PTPRM: variants seen among roughly 807,000 people sequenced by gnomAD.
PTPRM encodes the protein protein tyrosine phosphatase receptor type M.
Under a neutral mutation model 186.7 loss-of-function variants are expected in PTPRM, and 47 were observed. That is an observed-to-expected ratio of 0.25 (90% CI 0.20 to 0.32). The LOEUF is 0.32. PTPRM is among the 10% of genes least tolerant of loss of function. The probability of loss-of-function intolerance (pLI) is 1.00; values close to 1 mark genes in which losing one functional copy is unlikely to be tolerated. For missense variants in PTPRM, 1,494 were observed against 1,865.0 expected, an observed-to-expected ratio of 0.80 and a Z score of 3.66; for synonymous variants, 668 against 674.9, an observed-to-expected ratio of 0.99 and a Z score of 0.16.
chr18:7,912,145 C>T (rs1407569397), intron 4 of PTPRM, among the ~76,000 whole-genome samples: 1 of 152,068 alleles, frequency 6.6e-6, no homozygotes, highest in Non-Finnish European at 1.5e-5. Context: ...AGCCACTGTG[C>T]CCGTCCTATA....
At chr18:8,012,930 C>T (rs1229474889) in intron 7 of PTPRM, among the ~76,000 whole-genome samples, 1 of 151,992 alleles carries the variant, frequency 6.6e-6, no homozygotes, top group Non-Finnish European at 1.5e-5. Flanking sequence ...GGGTGATTGG[C>T]AGTGGCCTCG....
At chr18:7,871,836 C>G (rs914464922) in intron 2 of PTPRM, among the ~76,000 whole-genome samples, 11 of 152,204 alleles carry the variant, frequency 7.2e-5, no homozygotes, top group African/African-American at 2.7e-4. Flanking sequence ...TTATTATACT[C>G]AACTTTGAAT....
At chr18:7,647,372 C>A (rs2038590454) in intron 1 of PTPRM, among the ~76,000 whole-genome samples, 1 of 152,150 alleles carries the variant, frequency 6.6e-6, no homozygotes. Flanking sequence ...TAATATATTT[C>A]TGGGCTTCTC....
intron 2 of PTPRM, among the ~76,000 whole-genome samples, chr18:7,781,893 G>A (rs80346262): frequency 0.018 from 2,689 of 152,126 alleles, 19 homozygotes; most frequent in Non-Finnish European, 0.025. Flanking sequence ...ATCTCATTCA[G>A]TTGTCCACAC....
At chr18:8,034,865 T>C (rs1340320367) in intron 7 of PTPRM, among the ~76,000 whole-genome samples, 3 of 152,184 alleles carry the variant, frequency 2.0e-5, no homozygotes, top group Non-Finnish European at 4.4e-5. Context: ...TTTGTGCTGA[T>C]ACAACATTTT....
At chr18:7,939,319 C>T (rs1400285475) in intron 5 of PTPRM, among the ~76,000 whole-genome samples, 1 of 152,128 alleles carries the variant, frequency 6.6e-6, no homozygotes, top group Non-Finnish European at 1.5e-5. Flanking sequence ...CTCCAAAATG[C>T]CTGAGATTGA....
chr18:7,664,026 G>A (rs751157487), intron 1 of PTPRM, among the ~76,000 whole-genome samples: 4 of 152,186 alleles, frequency 2.6e-5, no homozygotes, highest in Non-Finnish European at 4.4e-5. Flanking sequence ...TTCAGCCTCC[G>A]TGCTGGATGT....
At chr18:8,348,612 G>A (rs1473533758) in intron 23 of PTPRM, among the ~76,000 whole-genome samples, 2 of 152,204 alleles carry the variant, frequency 1.3e-5, no homozygotes, top group Non-Finnish European at 2.9e-5. Context: ...CCAGTCGCCT[G>A]TTTCCCAGGC....
At chr18:7,933,299 G>A (rs982816473) in intron 5 of PTPRM, among the ~76,000 whole-genome samples, 1 of 151,932 alleles carries the variant, frequency 6.6e-6, no homozygotes, top group Non-Finnish European at 1.5e-5. Flanking sequence ...GAAAAAAATT[G>A]TATGCACTGC....
Position 8,163,140 on chromosome 18 carries a change from T to C in PTPRM, c.2300+19361T>C, listed in dbSNP as rs112205612. On this transcript the variant is annotated intron_variant, in intron 14 of 32. Transcript: ENST00000580170. ...GAGCTGAACAGGCTTAGCTTCAGGA[T>C]CAGTTTAATTTTCTGCTGTCCTAAT... is the stretch of plus-strand genomic sequence containing the variant. 9.3e-3 allele frequency among the ~76,000 whole-genome samples: 1,424 copies of C among 152,344 alleles called. 19 individuals are homozygous for C. The highest frequency in any genetic ancestry group is 0.032 in the African/African-American group (1,350 of 41,576).
chr18:8,390,040 G>C (rs2095801260), intron 31 of PTPRM, among the ~76,000 whole-genome samples: 1 of 152,206 alleles, frequency 6.6e-6, no homozygotes, highest in Non-Finnish European at 1.5e-5. Context: ...ATTAGACAGT[G>C]GTCTTCAACA....
At chr18:7,740,268 A>C (rs2040860756) in intron 1 of PTPRM, among the ~76,000 whole-genome samples, 1 of 152,160 alleles carries the variant, frequency 6.6e-6, no homozygotes, top group Non-Finnish European at 1.5e-5. Context: ...AGTATAGAGT[A>C]GTGGGATTGA....
At chr18:8,261,456 A>C (rs1031966460) in intron 19 of PTPRM, among the ~76,000 whole-genome samples, 2 of 152,184 alleles carry the variant, frequency 1.3e-5, no homozygotes, top group Non-Finnish European at 2.9e-5. Context: ...TGGGCAAGTA[A>C]GGTGTATGTG....
chr18:7,981,000 C>T (rs9958058), intron 7 of PTPRM, among the ~76,000 whole-genome samples: 3,109 of 152,212 alleles, frequency 0.02, 91 homozygotes, highest in African/African-American at 0.071. Flanking sequence ...GGCTTTGGCC[C>T]CCTCTCCATC....
At chr18:7,842,947 T>TATATATATATATAGAGAGAGAG (rs370746043) in intron 2 of PTPRM, among the ~76,000 whole-genome samples, 57 of 112,108 alleles carry the variant, frequency 5.1e-4, no homozygotes, top group African/African-American at 2.1e-3. Context: ...TATATATATA[T>TATATATATATATAGAGAGAGAG]AGAGAGAGAG....
chr18:7,960,468 T>C (rs867845843), intron 7 of PTPRM, among the ~76,000 whole-genome samples: 1,890 of 123,312 alleles, frequency 0.015, 54 homozygotes, highest in African/African-American at 0.057. Context: ...TATATATATA[T>C]ATATATATAT....
At chr18:7,606,857 C>CT (rs2037542391) in intron 1 of PTPRM, among the ~76,000 whole-genome samples, 1 of 152,196 alleles carries the variant, frequency 6.6e-6, no homozygotes, top group African/African-American at 2.4e-5. Context: ...TCCGTTGTTA[C>CT]TTTCAGGTCC....
At chr18:8,090,420 A>C (rs554000977) in intron 11 of PTPRM, among the ~76,000 whole-genome samples, 136 of 152,302 alleles carry the variant, frequency 8.9e-4, no homozygotes, top group Admixed American at 1.4e-3. Context: ...CAATGCCTCC[A>C]AACTGAAGGA....
intron 1 of PTPRM, among the ~76,000 whole-genome samples, chr18:7,630,275 C>T (rs950703359): frequency 7.9e-5 from 12 of 152,066 alleles, no homozygotes; most frequent in African/African-American, 1.4e-4. Context: ...AACCAGGATT[C>T]GGCCGTCACC....
Sources: allele counts gnomAD v4.1 joint callset (sites outside exome capture counted in the v4.1 genomes callset), GRCh38; gene constraint gnomAD v4.1.1; transcripts MANE v1.5; gene names NCBI Gene and HGNC (gene_info 2026-07-23, HGNC 2026-07-21).